The following GTF2H5 variants were observed in gnomAD, a reference collection of about 807,000 sequenced individuals.
GTF2H5 encodes general transcription factor IIH subunit 5, also known as TFB5 ortholog.
In GTF2H5, 5 loss-of-function variants were observed where a neutral mutation model predicts 7.1. The ratio of observed to expected loss-of-function variants is 0.71; its 90% CI spans 0.37 to 1.49. The LOEUF is 1.49. Among genes scored for constraint, GTF2H5 ranks in the 40% most tolerant of loss-of-function variants. GTF2H5 has a pLI of 0.03. For synonymous variants in GTF2H5, 30 were observed against 31.7 expected (o/e 0.95, Z 0.18); for missense variants, 80 against 83.0 (o/e 0.96, Z 0.14).
chr6:158,169,440 T>TATATA lies in GTF2H5; in HGVS notation c.-34-1029_-34-1025dup, dbSNP rs1554266932. ...ATTATATATAATATATTGTATATTA[T>TATATA]ATATATTATATATTATATATATTAT... On this transcript the variant is annotated intron_variant, in intron 1 of 2. Transcript: ENST00000607778. 4.9e-4 allele frequency among the ~76,000 whole-genome samples: 27 copies of TATATA among 55,494 alleles called. 1 individual carries two copies. Among genetic ancestry groups the TATATA allele is most frequent in the African/African-American group, 2.9e-3 (25 of 8,636 alleles). The allele number at this position is 55,494 out of a possible 152,430, so 36.4% of individuals were successfully genotyped here.
At chr6:158,190,718 GATTAA>G (rs72128811) in intron 2 of GTF2H5, 6,131 of 415,378 alleles carry the variant, frequency 0.015, 322 homozygotes, top group African/African-American at 0.12. Flanking sequence ...ACATCTTTTG[GATTAA>G]ATTGTTACCT....
At chr6:158,169,637 A>ATATAATGTATGTTATAT (rs1491296928) in intron 1 of GTF2H5, among the ~76,000 whole-genome samples, 2 of 49,420 alleles carry the variant, frequency 4.0e-5, no homozygotes, top group South Asian at 6.6e-4. Flanking sequence ...ATTGTATATT[A>ATATAATGTATGTTATAT]CATATATTGT....
In GTF2H5 at chr6:158,183,637, G is replaced by A. The variant is rs773655849; in HGVS notation, c.36-8340G>A. 2.6e-5 allele frequency among the ~76,000 whole-genome samples: 4 copies of A among 152,298 alleles called. No homozygotes were observed. In the East Asian group the frequency reaches 7.7e-4, roughly 29 times the overall value. On this transcript the variant is annotated intron_variant, in intron 2 of 2. Transcript: ENST00000607778. ...GTCACCCCTCCCCCCACCAAGCTCC[G>A]GTGTCCCAAGTCAATCTCAGACGCT...
chr6:158,188,461 G>A (rs1776964726), intron 2 of GTF2H5, among the ~76,000 whole-genome samples: 1 of 152,142 alleles, frequency 6.6e-6, no homozygotes, highest in African/African-American at 2.4e-5. Context: ...ATATCATCGG[G>A]AAGCACCCTG....
At chr6:158,172,745 A>G (rs531938426) in intron 2 of GTF2H5, among the ~76,000 whole-genome samples, 43 of 152,228 alleles carry the variant, frequency 2.8e-4, no homozygotes, top group African/African-American at 1.0e-3. Flanking sequence ...CCCTTCCCAC[A>G]TTCATCTTTC....
chr6:158,175,625 A>T (rs568948865), intron 2 of GTF2H5, among the ~76,000 whole-genome samples: 1 of 152,206 alleles, frequency 6.6e-6, no homozygotes, highest in African/African-American at 2.4e-5. Context: ...TTAGCTGGGC[A>T]TGGTGGTGGA....
chr6:158,183,469 A>G (rs1018071067), intron 2 of GTF2H5, among the ~76,000 whole-genome samples: 1 of 152,208 alleles, frequency 6.6e-6, no homozygotes, highest in African/African-American at 2.4e-5. Context: ...CCTTTTGTTC[A>G]GATATGTCCT....
At chr6:158,175,576 C>T (rs550825491) in intron 2 of GTF2H5, among the ~76,000 whole-genome samples, 7 of 152,260 alleles carry the variant, frequency 4.6e-5, no homozygotes, top group Admixed American at 2.0e-4. Context: ...CCAGCCTGGC[C>T]AACATGGTAA....
rs1431036538 is a variant in GTF2H5, at chr6:158,169,432, GTATATTATATATAT to G, written c.-34-1032_-34-1019del. ...TATTATATATTATATATAATATATT[GTATATTATATATAT>G]TATATATTATATATATTATATTGTA... On this transcript the variant is annotated intron_variant, in intron 1 of 2. Coordinates refer to ENST00000607778, the MANE Select transcript of GTF2H5 (RefSeq NM_207118.3). Among the ~76,000 whole-genome samples, 61 of 56,880 alleles carry G rather than the reference GTATATTATATATAT, an allele frequency of 1.1e-3. 3 individuals are homozygous for G. The highest frequency in any genetic ancestry group is 5.2e-3 in the African/African-American group (60 of 11,622). 37.3% of individuals were successfully genotyped at this position (56,880 alleles called of 152,430 possible).
At chr6:158,179,453 C>T (rs1047465450) in intron 2 of GTF2H5, among the ~76,000 whole-genome samples, 11 of 152,282 alleles carry the variant, frequency 7.2e-5, no homozygotes, top group Admixed American at 3.9e-4. Context: ...GCCATTTTCA[C>T]GATATTGATT....
intron 2 of GTF2H5, among the ~76,000 whole-genome samples, chr6:158,189,182 T>C (rs1169877247): frequency 2.6e-5 from 4 of 152,122 alleles, no homozygotes; most frequent in African/African-American, 9.6e-5. Flanking sequence ...TCTTGTACCA[T>C]TGGGTCAGGA....
At chr6:158,169,769 T>TGTA (rs1562469492) in intron 1 of GTF2H5, among the ~76,000 whole-genome samples, 1 of 94,118 alleles carries the variant, frequency 1.1e-5, no homozygotes, top group Non-Finnish European at 2.1e-5. Context: ...GTATATTATA[T>TGTA]ATAATATATT....
chr6:158,181,822 C>T (rs1046404521), intron 2 of GTF2H5, among the ~76,000 whole-genome samples: 6 of 152,118 alleles, frequency 3.9e-5, no homozygotes, highest in East Asian at 1.9e-4. Context: ...GGTCTTGACT[C>T]TATCCCATTT....
At chr6:158,187,205 A>C (rs1296329789) in intron 2 of GTF2H5, among the ~76,000 whole-genome samples, 2 of 151,996 alleles carry the variant, frequency 1.3e-5, no homozygotes, top group Non-Finnish European at 2.9e-5. Context: ...CATGTTGGCC[A>C]GGCTGGTCTC....
In GTF2H5 at chr6:158,176,427, A is replaced by G. The variant is rs190289755; in HGVS notation, c.35+5889A>G. On this transcript the variant is annotated intron_variant, in intron 2 of 2. Coordinates refer to ENST00000607778, the MANE Select transcript of GTF2H5 (RefSeq NM_207118.3). ...GTTTTAGTAGAGATGGGGTTTCACTATCTTGGCCAGGCTGGTCTTGAACTC... is the reference window on the plus strand; with the variant it reads ...GTTTTAGTAGAGATGGGGTTTCACTGTCTTGGCCAGGCTGGTCTTGAACTC... Among the ~76,000 whole-genome samples, 23 of 152,130 alleles carry G rather than the reference A, an allele frequency of 1.5e-4. No homozygotes were observed. In the East Asian group the frequency reaches 4.1e-3, roughly 27 times the overall value.
chr6:158,190,528 C>G (rs1002007902), intron 2 of GTF2H5: 3 of 349,290 alleles, frequency 8.6e-6, no homozygotes, highest in African/African-American at 6.5e-5. Flanking sequence ...ATGATCCTTA[C>G]AGTTAAAATT....
chr6:158,193,217 C>T lies in GTF2H5; in HGVS notation c.*1060C>T, dbSNP rs1777056954. The stretch of plus-strand genomic sequence containing the variant: ...GGGAGGCTGAGGTAGGAGGTCAAGG[C>T]TGCAGTGAACCTTGATCATTGCTAC... On this transcript the variant is annotated 3_prime_UTR_variant, in exon 3 of 3. Coordinates refer to ENST00000607778, the MANE Select transcript of GTF2H5 (RefSeq NM_207118.3). 1.0e-5 allele frequency: 1 copy of T among 99,082 alleles called. No homozygotes were observed. Among genetic ancestry groups the T allele is most frequent in the Non-Finnish European group, 2.0e-5 (1 of 50,998 alleles). 6.1% of individuals were successfully genotyped at this position (99,082 alleles called of 1,614,324 possible).
Position 158,170,261 on chromosome 6 carries a change from G to A in GTF2H5, c.-34-209G>A, listed in dbSNP as rs537458372. On this transcript the variant is annotated intron_variant, in intron 1 of 2. Transcript: ENST00000607778. ...TTGACCTTGGGTAGAATTGGCTGGCGAGTAAGATGTGGCATTAATATTCCA... is the reference window on the plus strand; with the variant it reads ...TTGACCTTGGGTAGAATTGGCTGGCAAGTAAGATGTGGCATTAATATTCCA... Among the ~76,000 whole-genome samples the A allele has an allele frequency of 4.6e-5, 7 of 152,244 alleles. No homozygotes were observed. In the East Asian group the frequency reaches 1.2e-3, roughly 25 times the overall value.
intron 1 of GTF2H5, among the ~76,000 whole-genome samples, chr6:158,169,917 G>A (rs1785826964): frequency 6.7e-6 from 1 of 149,130 alleles, no homozygotes; most frequent in Admixed American, 6.9e-5. Context: ...CTACTCGGGA[G>A]GCTGAGGTGG....
Sources: allele counts gnomAD v4.1 joint callset (sites outside exome capture counted in the v4.1 genomes callset), GRCh38; gene constraint gnomAD v4.1.1; transcripts MANE v1.5; gene names NCBI Gene and HGNC (gene_info 2026-07-23, HGNC 2026-07-21).